The following FGF7 variants were observed in gnomAD, a reference collection of about 807,000 sequenced individuals.
FGF7 encodes the protein FGF-7.
A neutral mutation model predicts 20.5 loss-of-function variants in FGF7; 6 were observed. The ratio of observed to expected loss-of-function variants is 0.29; its 90% CI spans 0.16 to 0.58. The LOEUF (loss-of-function observed/expected upper bound fraction) is 0.58, where lower values mean the gene tolerates loss of function less well. Among genes scored for constraint, FGF7 ranks in the 20% least tolerant of loss-of-function variants. FGF7 has a pLI of 0.90. For missense variants in FGF7, 144 were observed against 228.8 expected, an observed-to-expected ratio of 0.63 and a Z score of 2.39; for synonymous variants, 64 against 74.7, an observed-to-expected ratio of 0.86 and a Z score of 0.74.
At chr15:49,440,059 T>C (rs1362489452) in intron 2 of FGF7, among the ~76,000 whole-genome samples, 1 of 151,834 alleles carries the variant, frequency 6.6e-6, no homozygotes, top group Non-Finnish European at 1.5e-5. Flanking sequence ...ATTATGCTTA[T>C]TTTATTTGAT....
intron 2 of FGF7, among the ~76,000 whole-genome samples, chr15:49,432,577 G>C (rs1034571648): frequency 5.7e-4 from 86 of 151,588 alleles, no homozygotes; most frequent in African/African-American, 2.0e-3. Flanking sequence ...GAGAGCTATT[G>C]TCTAAGGATC....
rs190965118 is a variant in FGF7 at position 49,485,059 on chromosome 15, C to G, written c.*555C>G. On this transcript the variant is annotated 3_prime_UTR_variant, in exon 4 of 4. Coordinates refer to ENST00000267843, the MANE Select transcript of FGF7 (RefSeq NM_002009.4). ...ATCAGAAAAAAAATTCTCAAAAAAA[C>G]TATTATGAAAGTCAATAAAATAGAT... is the stretch of plus-strand genomic sequence containing the variant. 2 of 151,962 alleles carry G rather than the reference C, an allele frequency of 1.3e-5. No individual in the cohort carries two copies. The highest frequency in any genetic ancestry group is 4.8e-5 in the African/African-American group (2 of 41,460). The allele number at this position is 151,962 out of a possible 1,614,324, so 9.4% of individuals were successfully genotyped here.
At chr15:49,437,199 A>G (rs2051186596) in intron 2 of FGF7, among the ~76,000 whole-genome samples, 1 of 151,568 alleles carries the variant, frequency 6.6e-6, no homozygotes. Flanking sequence ...TATACAGTTT[A>G]ATTTCAGATA....
chr15:49,451,954 A>C (rs2052789413), intron 2 of FGF7, among the ~76,000 whole-genome samples: 1 of 152,154 alleles, frequency 6.6e-6, no homozygotes, highest in Admixed American at 6.6e-5. Flanking sequence ...TTTAATAACT[A>C]GTGAAAAAAT....
At chr15:49,445,516 T>C (rs2052113198) in intron 2 of FGF7, among the ~76,000 whole-genome samples, 1 of 151,630 alleles carries the variant, frequency 6.6e-6, no homozygotes, top group Non-Finnish European at 1.5e-5. Flanking sequence ...TTGCTTAAGC[T>C]GTTTTATATT....
At chr15:49,459,733 C>T (rs929508909) in intron 2 of FGF7, among the ~76,000 whole-genome samples, 19 of 152,096 alleles carry the variant, frequency 1.2e-4, no homozygotes, top group African/African-American at 4.3e-4. Flanking sequence ...GGCTATAGTT[C>T]ATGACATAAG....
chr15:49,445,179 T>C (rs536576776), intron 2 of FGF7, among the ~76,000 whole-genome samples: 26 of 151,780 alleles, frequency 1.7e-4, no homozygotes, highest in African/African-American at 6.0e-4. Context: ...CTTGGGTATA[T>C]TGTGTGATGC....
intron 2 of FGF7, among the ~76,000 whole-genome samples, chr15:49,446,494 G>C (rs1044035264): frequency 1.3e-5 from 2 of 151,524 alleles, no homozygotes; most frequent in African/African-American, 4.8e-5. Context: ...ATATTTCTGG[G>C]TGCACCTAAG....
chr15:49,443,057 T>C (rs2051822577), intron 2 of FGF7, among the ~76,000 whole-genome samples: 1 of 151,772 alleles, frequency 6.6e-6, no homozygotes, highest in Non-Finnish European at 1.5e-5. Flanking sequence ...AGCCAATGAA[T>C]GTTTGAATAT....
chr15:49,442,415 G>A (rs780994876), intron 2 of FGF7, among the ~76,000 whole-genome samples: 2 of 151,628 alleles, frequency 1.3e-5, no homozygotes, highest in Non-Finnish European at 1.5e-5. Context: ...TAAAATGTGA[G>A]AACTGTAAAA....
chr15:49,451,108 A>G (rs1336695598), intron 2 of FGF7, among the ~76,000 whole-genome samples: 1 of 152,112 alleles, frequency 6.6e-6, no homozygotes, highest in Non-Finnish European at 1.5e-5. Context: ...GAAAAAGTAT[A>G]TCAAAAACCA....
intron 2 of FGF7, among the ~76,000 whole-genome samples, chr15:49,461,017 G>A (rs900817706): frequency 6.6e-6 from 1 of 152,112 alleles, no homozygotes; most frequent in Admixed American, 6.6e-5. Flanking sequence ...ATCTTGTGGG[G>A]CCAGCCTTCC....
chr15:49,452,962 G>A (rs2052906431), intron 2 of FGF7, among the ~76,000 whole-genome samples: 2 of 151,940 alleles, frequency 1.3e-5, no homozygotes, highest in Non-Finnish European at 2.9e-5. Flanking sequence ...ACTTTAAAAG[G>A]TTTTCCTTCC....
intron 2 of FGF7, among the ~76,000 whole-genome samples, chr15:49,468,382 T>C (rs1041656141): frequency 3.9e-5 from 6 of 152,198 alleles, no homozygotes; most frequent in African/African-American, 1.4e-4. Flanking sequence ...TGGGTTTCAG[T>C]AATAATTTAT....
At chr15:49,433,680 CTA>C (rs1327914457) in intron 2 of FGF7, among the ~76,000 whole-genome samples, 1 of 151,546 alleles carries the variant, frequency 6.6e-6, no homozygotes, top group Non-Finnish European at 1.5e-5. Flanking sequence ...TAGAGGCCAA[CTA>C]TATAAGCAGA....
chr15:49,445,084 C>A (rs1295773731), intron 2 of FGF7, among the ~76,000 whole-genome samples: 5 of 151,582 alleles, frequency 3.3e-5, no homozygotes, highest in Non-Finnish European at 5.9e-5. Context: ...CCTTTTCTTT[C>A]CAGACTAAAA....
chr15:49,458,480 C>T (rs1325195684), intron 2 of FGF7, among the ~76,000 whole-genome samples: 1 of 151,980 alleles, frequency 6.6e-6, no homozygotes, highest in East Asian at 1.9e-4. Flanking sequence ...TTTTCCTGTT[C>T]CCTCTTTACC....
Position 49,450,450 on chromosome 15 carries a change from C to A in FGF7, c.286+25867C>A, listed in dbSNP as rs143470122. Among the ~76,000 whole-genome samples the A allele has an allele frequency of 2.8e-3, 427 of 152,050 alleles. 1 individual carries two copies. Among genetic ancestry groups the A allele is most frequent in the Non-Finnish European group, 3.7e-3 (254 of 67,982 alleles). The stretch of plus-strand genomic sequence containing the variant: ...CATCCTGAATGCCATTTTTTAAGCC[C>A]CTCCTCTTAGCCAGCTACACCATTA... On this transcript the variant is annotated intron_variant, in intron 2 of 3. Coordinates refer to ENST00000267843, the MANE Select transcript of FGF7 (RefSeq NM_002009.4).
chr15:49,466,968 G>A (rs2054318852), intron 2 of FGF7, among the ~76,000 whole-genome samples: 1 of 152,130 alleles, frequency 6.6e-6, no homozygotes, highest in African/African-American at 2.4e-5. Context: ...TGACCAAAAT[G>A]ACTTTAAATC....
Sources: allele counts gnomAD v4.1 joint callset (sites outside exome capture counted in the v4.1 genomes callset), GRCh38; gene constraint gnomAD v4.1.1; transcripts MANE v1.5; gene names NCBI Gene and HGNC (gene_info 2026-07-23, HGNC 2026-07-21).